KCNQ1: variants seen among roughly 807,000 people sequenced by gnomAD.
The protein encoded by KCNQ1 is potassium voltage-gated channel subfamily Q member 1, also known as potassium voltage-gated channel subfamily KQT member 1.
In KCNQ1, 49 loss-of-function variants were observed where a neutral mutation model predicts 72.4. The ratio of observed to expected loss-of-function variants is 0.68; its 90% CI spans 0.54 to 0.86. The LOEUF (loss-of-function observed/expected upper bound fraction) is 0.86, where lower values mean the gene tolerates loss of function less well. KCNQ1 is among the 40% of genes least tolerant of loss of function. KCNQ1 has a pLI of 0.00. For missense variants in KCNQ1, 790 were observed against 945.1 expected, an observed-to-expected ratio of 0.84 and a Z score of 2.15; for synonymous variants, 450 against 412.6, an observed-to-expected ratio of 1.09 and a Z score of -1.10.
chr11:2,540,982 C>G (rs373049625), intron 2 of KCNQ1, among the ~76,000 whole-genome samples: 2 of 152,354 alleles, frequency 1.3e-5, no homozygotes, highest in East Asian at 1.9e-4. Flanking sequence ...CAGGCACACA[C>G]GCACAGACAT....
chr11:2,490,583 G>A (rs1265704188), intron 1 of KCNQ1, among the ~76,000 whole-genome samples: 1 of 152,258 alleles, frequency 6.6e-6, no homozygotes, highest in East Asian at 1.9e-4. Context: ...CATAGAGAGA[G>A]AGTCCATTTC....
At position 2,455,834 on chromosome 11, in the gene KCNQ1, A is replaced by G. The variant is rs149712654; in HGVS notation, c.386+10350A>G. Among the ~76,000 whole-genome samples, 9 of 152,382 alleles carry G rather than the reference A, an allele frequency of 5.9e-5. No individual in the cohort carries two copies. The Middle Eastern group carries it at 0.01, about 173-fold the overall frequency. On this transcript the variant is annotated intron_variant, in intron 1 of 15. Transcript: ENST00000155840. Reference sequence around the variant, plus strand: ...GCTACAGTAGCCAAAACAGCATGGTATTGGTACATAGACATATAGACCAAT... The same window carrying G: ...GCTACAGTAGCCAAAACAGCATGGTGTTGGTACATAGACATATAGACCAAT...
At chr11:2,778,173 C>T (rs1846747116) in intron 15 of KCNQ1, 136 bp downstream of exon 15, 1 of 855,308 alleles carries the variant, frequency 1.2e-6, no homozygotes, top group Non-Finnish European at 1.9e-6. Context: ...GCAGCCTGCC[C>T]AGCAACTCCC....
chr11:2,711,416 T>C lies in KCNQ1; in HGVS notation c.1514+49335T>C, dbSNP rs544728337. ...TGCACATCCTGCATCCTGCCTGGAG[T>C]GTTCTCTCTCCTCCCTTTTCTGTGA... On this transcript the variant is annotated intron_variant, in intron 11 of 15. Coordinates refer to ENST00000155840, the MANE Select transcript of KCNQ1 (RefSeq NM_000218.3). This position sits in a 1 kb window ranked among gnomAD's most constrained non-coding sequence, Gnocchi z 5.4. Among the ~76,000 whole-genome samples the C allele has an allele frequency of 5.3e-5, 8 of 152,270 alleles. No individual in the cohort carries two copies. In the East Asian group the frequency reaches 1.5e-3, roughly 29 times the overall value.
At chr11:2,756,950 T>TAAA in intron 11 of KCNQ1, among the ~76,000 whole-genome samples, 1 of 32,112 alleles carries the variant, frequency 3.1e-5, no homozygotes, top group African/African-American at 1.3e-4. Context: ...CAAGAGCATC[T>TAAA]TAAAAAAAAA....
At chr11:2,576,827 C>T (rs960176060) in intron 6 of KCNQ1, among the ~76,000 whole-genome samples, 3 of 152,222 alleles carry the variant, frequency 2.0e-5, no homozygotes, top group Non-Finnish European at 2.9e-5. Flanking sequence ...GAAGCCAAGG[C>T]GCCGTGGGCC....
chr11:2,621,617 G>T lies in KCNQ1; in HGVS notation c.1393+32763G>T, dbSNP rs1176838363. The T allele has an allele frequency of 5.0e-6, 2 of 398,098 alleles. No individual in the cohort carries two copies. Among genetic ancestry groups the T allele is most frequent in the Non-Finnish European group, 4.4e-6 (1 of 225,958 alleles). The allele number at this position is 398,098 out of a possible 1,614,324, so 24.7% of individuals were successfully genotyped here. On this transcript the variant is annotated intron_variant, in intron 10 of 15. Coordinates refer to ENST00000155840, the MANE Select transcript of KCNQ1 (RefSeq NM_000218.3). This position sits in a 1 kb window ranked among gnomAD's most constrained non-coding sequence, Gnocchi z 5.7. ...TTCCTGATTTAATCTTAGCAGGTTG[G>T]TTTTTTTCTAGGAATTTGTCCATTT...
At chr11:2,445,645 T>G (rs1283272253) in intron 1 of KCNQ1, among the ~76,000 whole-genome samples, 161 bp downstream of exon 1, 1 of 152,102 alleles carries the variant, frequency 6.6e-6, no homozygotes, top group Non-Finnish European at 1.5e-5. Context: ...GCACTCTCCC[T>G]TGAAGTTCAG....
intron 9 of KCNQ1, among the ~76,000 whole-genome samples, chr11:2,587,998 C>T (rs1395864032): frequency 2.0e-5 from 3 of 151,974 alleles, no homozygotes; most frequent in Non-Finnish European, 4.4e-5. Flanking sequence ...CAGGGTTGGG[C>T]TTTCCACACC....
chr11:2,754,845 G>A (rs1425208272), intron 11 of KCNQ1, among the ~76,000 whole-genome samples: 1 of 152,124 alleles, frequency 6.6e-6, no homozygotes, highest in Non-Finnish European at 1.5e-5. Context: ...GAAAAACATT[G>A]GTCAATTCGA....
intron 1 of KCNQ1, among the ~76,000 whole-genome samples, chr11:2,512,963 GC>G (rs1435092107): frequency 6.6e-6 from 1 of 152,194 alleles, no homozygotes; most frequent in African/African-American, 2.4e-5. Context: ...CTCTGGGAAG[GC>G]AGTGGACCCT....
chr11:2,650,235 C>T (rs1468581872), intron 10 of KCNQ1: 8 of 398,296 alleles, frequency 2.0e-5, no homozygotes, highest in Non-Finnish European at 1.8e-5. Context: ...TCTTGTATCT[C>T]ATTGGGTTTC....
chr11:2,463,359 C>T lies in KCNQ1; in HGVS notation c.386+17875C>T, dbSNP rs1846306199. ...TGAGGATACATTTGCCCCCTCTATC[C>T]CCCAGATCGGCGGCTGCTCAAGGAG... is the stretch of plus-strand genomic sequence containing the variant. On this transcript the variant is annotated intron_variant, in intron 1 of 15. Transcript: ENST00000155840. The surrounding 1 kb of genome is among the most constrained non-coding windows in gnomAD (Gnocchi z 7.0). Among the ~76,000 whole-genome samples the T allele has an allele frequency of 6.6e-6, 1 of 152,162 alleles. No homozygotes were observed. The highest frequency in any genetic ancestry group is 1.5e-5 in the Non-Finnish European group (1 of 68,004).
chr11:2,813,937 T>C lies in KCNQ1; in HGVS notation c.1795-33830T>C, dbSNP rs1847547213. ...ATGGTTAGATGGATGAAGAGATAGA[T>C]GAATGGATAAAGAGGTGAAAGGATG... On this transcript the variant is annotated intron_variant, in intron 15 of 15. Coordinates refer to ENST00000155840, the MANE Select transcript of KCNQ1 (RefSeq NM_000218.3). The surrounding 1 kb of genome is among the most constrained non-coding windows in gnomAD (Gnocchi z 4.4). Among the ~76,000 whole-genome samples, 3 of 151,234 alleles carry C rather than the reference T, an allele frequency of 2.0e-5. No homozygotes were observed. The highest frequency in any genetic ancestry group is 7.3e-5 in the African/African-American group (3 of 41,074).
At chr11:2,833,344 C>A (rs112515846) in intron 15 of KCNQ1, among the ~76,000 whole-genome samples, 3 of 152,212 alleles carry the variant, frequency 2.0e-5, no homozygotes, top group Admixed American at 6.5e-5. Context: ...GTCCTCCCCC[C>A]ACCTGCCCAC....
Position 2,691,286 on chromosome 11 carries a change from G to A in KCNQ1, c.1514+29205G>A. ...TTTGAGCCACTAATCAGGAAGGAGA[G>A]CTGACAAGAAAAAGGCGATGTCTCA... On this transcript the variant is annotated intron_variant, in intron 11 of 15. Coordinates refer to ENST00000155840, the MANE Select transcript of KCNQ1 (RefSeq NM_000218.3). The surrounding 1 kb of genome is among the most constrained non-coding windows in gnomAD (Gnocchi z 6.4). The A allele has an allele frequency of 2.5e-6, 1 of 398,592 alleles. No homozygotes were observed. Among genetic ancestry groups the A allele is most frequent in the Non-Finnish European group, 4.4e-6 (1 of 226,064 alleles). 24.7% of individuals were successfully genotyped at this position (398,592 alleles called of 1,614,324 possible). A position where few individuals can be genotyped will look rare whatever the true frequency, so the allele number is the denominator to read the frequency against.
rs557434209 is a variant in KCNQ1 at position 2,698,901 on chromosome 11, A to G, written c.1514+36820A>G. 3 of 398,670 alleles carry G rather than the reference A, an allele frequency of 7.5e-6. No homozygotes were observed. In the Admixed American group the frequency reaches 1.3e-4, roughly 18 times the overall value. 24.7% of individuals were successfully genotyped at this position (398,670 alleles called of 1,614,324 possible). ...ACTACTCAGATCCCAACTCAGGCAA[A>G]CTCCCAGCCAGGATGTGGACCCTAG... On this transcript the variant is annotated intron_variant, in intron 11 of 15. Coordinates refer to ENST00000155840, the MANE Select transcript of KCNQ1 (RefSeq NM_000218.3). This position sits in a 1 kb window ranked among gnomAD's most constrained non-coding sequence, Gnocchi z 5.1.
chr11:2,708,465 G>T (rs1356405286), intron 11 of KCNQ1, among the ~76,000 whole-genome samples: 1 of 152,166 alleles, frequency 6.6e-6, no homozygotes, highest in Non-Finnish European at 1.5e-5. Flanking sequence ...GAGGAGGGTG[G>T]GGCTGAGGAG....
At chr11:2,685,649 C>T (rs2283186) in intron 11 of KCNQ1, 5,755 of 398,656 alleles carry the variant, frequency 0.014, 200 homozygotes, top group East Asian at 0.096. Context: ...GGGACAAGCC[C>T]ACACAGGTAC....
Sources: allele counts gnomAD v4.1 joint callset (sites outside exome capture counted in the v4.1 genomes callset), GRCh38; gene constraint gnomAD v4.1.1; non-coding constraint Gnocchi (gnomAD v3.1); transcripts MANE v1.5; gene names NCBI Gene and HGNC (gene_info 2026-07-23, HGNC 2026-07-21).